The following DIP2C variants were observed in gnomAD, a reference collection of about 807,000 sequenced individuals.
DIP2C encodes the protein disco-interacting protein 2 homolog C.
In DIP2C, 33 loss-of-function variants were observed where a neutral mutation model predicts 192.4. That is an observed-to-expected ratio of 0.17 (90% CI 0.13 to 0.23). The LOEUF (loss-of-function observed/expected upper bound fraction) is 0.23, where lower values mean the gene tolerates loss of function less well. DIP2C is among the 10% of genes least tolerant of loss of function. The pLI, the probability that DIP2C is intolerant of heterozygous loss-of-function variation, is 1.00. For missense variants in DIP2C, 1,537 were observed against 2,110.1 expected, an observed-to-expected ratio of 0.73 and a Z score of 5.32; for synonymous variants, 979 against 864.1, an observed-to-expected ratio of 1.13 and a Z score of -2.33.
At chr10:620,469 G>A (rs532739673) in intron 1 of DIP2C, among the ~76,000 whole-genome samples, 10 of 152,190 alleles carry the variant, frequency 6.6e-5, no homozygotes, top group Non-Finnish European at 1.2e-4. Context: ...CTCCTGAGGG[G>A]CAGATACGGA....
chr10:309,983 A>G (rs1251530007), intron 32 of DIP2C, 48 bp downstream of exon 32: 4 of 1,594,914 alleles, frequency 2.5e-6, no homozygotes, highest in Non-Finnish European at 3.4e-6. Flanking sequence ...AGGCCGCAGA[A>G]CAAAACAAAA....
chr10:390,222 G>C (rs1347444664), intron 12 of DIP2C, 42 bp downstream of exon 12: 3 of 1,601,286 alleles, frequency 1.9e-6, no homozygotes, highest in African/African-American at 1.3e-5. Flanking sequence ...TTAGTGCCAA[G>C]GCCACACTCA....
chr10:399,305 G>C (rs1389419715), intron 9 of DIP2C, 86 bp from the exon 10 acceptor site: 1 of 1,012,586 alleles, frequency 9.9e-7, no homozygotes, highest in African/African-American at 1.6e-5. Flanking sequence ...CTAGGTGAGA[G>C]GGCACGCTTC....
chr10:388,378 C>T (rs1276106295), intron 13 of DIP2C, among the ~76,000 whole-genome samples: 1 of 152,228 alleles, frequency 6.6e-6, no homozygotes, highest in Non-Finnish European at 1.5e-5. Context: ...ACAGAGCATG[C>T]TGGCCCTGAA....
intron 1 of DIP2C, among the ~76,000 whole-genome samples, chr10:586,362 G>A (rs1429636057): frequency 2.6e-5 from 4 of 152,154 alleles, no homozygotes; most frequent in Admixed American, 1.3e-4. Flanking sequence ...CCACTGAACA[G>A]CAGTTTTCCA....
chr10:627,989 C>T (rs573593028), intron 1 of DIP2C, among the ~76,000 whole-genome samples: 3 of 152,214 alleles, frequency 2.0e-5, no homozygotes, highest in Non-Finnish European at 2.9e-5. Flanking sequence ...AATGCAGCAT[C>T]GGAATGTTTA....
At chr10:545,956 T>G (rs1440202598) in intron 1 of DIP2C, among the ~76,000 whole-genome samples, 1 of 152,174 alleles carries the variant, frequency 6.6e-6, no homozygotes, top group South Asian at 2.1e-4. Flanking sequence ...TCAGGAACCC[T>G]TTACAGTTTA....
intron 1 of DIP2C, among the ~76,000 whole-genome samples, chr10:564,168 G>A (rs1018008105): frequency 6.6e-6 from 1 of 152,188 alleles, no homozygotes; most frequent in Admixed American, 6.5e-5. Context: ...TGAGTCCATG[G>A]TGGTCCTCTC....
chr10:642,853 T>A (rs979498804), intron 1 of DIP2C, among the ~76,000 whole-genome samples: 2 of 152,268 alleles, frequency 1.3e-5, no homozygotes, highest in African/African-American at 4.8e-5. Context: ...CTCTTCCTCA[T>A]ATCCACTGAG....
intron 1 of DIP2C, among the ~76,000 whole-genome samples, chr10:594,374 A>G (rs1042078921): frequency 2.0e-5 from 3 of 152,090 alleles, no homozygotes; most frequent in Admixed American, 6.6e-5. Context: ...ATTTCAACAT[A>G]AGGGAACATG....
intron 28 of DIP2C, among the ~76,000 whole-genome samples, chr10:342,130 G>T (rs1168010314): frequency 6.6e-6 from 1 of 152,064 alleles, no homozygotes; most frequent in Non-Finnish European, 1.5e-5. Context: ...GCAAGTCATG[G>T]AGGAAGGGGT....
chr10:483,133 A>AC (rs1467216232), intron 2 of DIP2C, among the ~76,000 whole-genome samples: 3 of 151,738 alleles, frequency 2.0e-5, no homozygotes, highest in African/African-American at 4.8e-5. Flanking sequence ...AGGGAACAGA[A>AC]CCCCCATTGT....
chr10:573,377 CAG>C (rs1564213386), intron 1 of DIP2C, among the ~76,000 whole-genome samples: 1 of 152,330 alleles, frequency 6.6e-6, no homozygotes, highest in Non-Finnish European at 1.5e-5. Context: ...CTAGTTTACA[CAG>C]AGCGCAGCCG....
intron 1 of DIP2C, among the ~76,000 whole-genome samples, chr10:595,640 A>AC (rs1428384394): frequency 6.6e-6 from 1 of 152,122 alleles, no homozygotes; most frequent in African/African-American, 2.4e-5. Flanking sequence ...CTCCATCTAC[A>AC]CAGGGACATC....
chr10:472,538 C>T lies in DIP2C; in HGVS notation c.169G>A (p.Ala57Thr). The change falls in exon 3 of 37, where the codon GCT (alanine) becomes ACT (threonine). Residue 57 changes from alanine (A) to threonine (T), a missense_variant. Transcript: ENST00000280886. ...YLPQPPRVDQ[A>T]LPQERRAPVT... is the part of the protein sequence containing the mutation. ...GGAGCCCGGCGTTCTTGCGGCAAAGCTTGGTCCACCCCTGGATTTCAATAA... is the reference window on the plus strand; with the variant it reads ...GGAGCCCGGCGTTCTTGCGGCAAAGTTTGGTCCACCCCTGGATTTCAATAA... 6.2e-7 allele frequency: 1 copy of T among 1,614,112 alleles called. No homozygotes were observed. Among genetic ancestry groups the T allele is most frequent in the East Asian group, 2.2e-5 (1 of 44,886 alleles).
intron 1 of DIP2C, among the ~76,000 whole-genome samples, chr10:606,334 G>A (rs775849080): frequency 3.2e-4 from 49 of 152,086 alleles, no homozygotes; most frequent in Non-Finnish European, 5.6e-4. Flanking sequence ...CACTCGCCCC[G>A]CTGCCGTAAT....
intron 32 of DIP2C, among the ~76,000 whole-genome samples, chr10:292,357 C>T (rs1446840512): frequency 1.3e-5 from 2 of 152,252 alleles, no homozygotes; most frequent in African/African-American, 4.8e-5. Context: ...CTGTCTCACC[C>T]CTTATTTCTT....
chr10:600,507 C>CT, intron 1 of DIP2C, among the ~76,000 whole-genome samples: 1 of 151,840 alleles, frequency 6.6e-6, no homozygotes, highest in African/African-American at 2.4e-5. Flanking sequence ...TGTTCGGATG[C>CT]TCCGGAGCGA....
chr10:557,813 G>GAAGT (rs1407696510), intron 1 of DIP2C, among the ~76,000 whole-genome samples: 19 of 66,404 alleles, frequency 2.9e-4, no homozygotes, highest in African/African-American at 1.2e-3. Context: ...AGGCAGGCAG[G>GAAGT]GGGAGGGGGC....
Sources: allele counts gnomAD v4.1 joint callset (sites outside exome capture counted in the v4.1 genomes callset), GRCh38; gene constraint gnomAD v4.1.1; transcripts MANE v1.5; gene names NCBI Gene and HGNC (gene_info 2026-07-23, HGNC 2026-07-21).